The following ZNF555 variants were observed in gnomAD, a reference collection of about 807,000 sequenced individuals.
The protein encoded by ZNF555 is zinc finger protein 555.
Under a neutral mutation model 14.0 loss-of-function variants are expected in ZNF555, and 10 were observed. That is an observed-to-expected ratio of 0.72 (90% CI 0.44 to 1.21). The LOEUF (loss-of-function observed/expected upper bound fraction) is 1.21, where lower values mean the gene tolerates loss of function less well. Ranked by LOEUF, ZNF555 falls within the 50% of genes most tolerant of loss-of-function variation. The probability of loss-of-function intolerance (pLI) is 0.00; values close to 1 mark genes in which losing one functional copy is unlikely to be tolerated. For missense variants in ZNF555, 747 were observed against 762.0 expected (o/e 0.98, Z 0.23); for synonymous variants, 277 against 262.4 (o/e 1.06, Z -0.54).
In ZNF555 at chr19:2,853,103, G is replaced by GA. The variant is rs1568344881; in HGVS notation, c.1042dup (p.Thr348AsnfsTer12). 2 of 1,614,166 alleles carry GA rather than the reference G, an allele frequency of 1.2e-6. No homozygotes were observed. Among genetic ancestry groups the GA allele is most frequent in the South Asian group, 2.2e-5 (2 of 91,078 alleles). The stretch of plus-strand genomic sequence containing the variant: ...AACCCTACGAATGCAAACAATGTGG[G>GA]AAAACCTTCATTTATCTCCAGTCCT... On this transcript the variant is annotated frameshift_variant, in exon 4 of 4. Coordinates refer to ENST00000334241, the MANE Select transcript of ZNF555 (RefSeq NM_152791.5). LOFTEE classifies it low-confidence loss of function (END_TRUNC).
At chr19:2,841,687 G>A in intron 1 of ZNF555, 112 bp downstream of exon 1, 2 of 1,288,022 alleles carry the variant, frequency 1.6e-6, no homozygotes, top group Non-Finnish European at 2.0e-6. Flanking sequence ...CGGCGAGGGC[G>A]GCGCAGGACG....
At chr19:2,844,773 CAGG>C (rs2087568678) in intron 1 of ZNF555, among the ~76,000 whole-genome samples, 1 of 152,208 alleles carries the variant, frequency 6.6e-6, no homozygotes, top group South Asian at 2.1e-4. Context: ...TAGGGGCCCT[CAGG>C]CCTTTGGGTT....
intron 3 of ZNF555, 40 bp from the exon 4 acceptor site, chr19:2,852,340 T>C: frequency 6.2e-7 from 1 of 1,610,220 alleles, no homozygotes; most frequent in African/African-American, 1.3e-5. Context: ...TACTAACAAA[T>C]CATTATTAAT....
At chr19:2,849,474 G>C (rs2087609639) in intron 1 of ZNF555, among the ~76,000 whole-genome samples, 2 of 147,334 alleles carry the variant, frequency 1.4e-5, no homozygotes, top group African/African-American at 5.0e-5. Flanking sequence ...CTTAAGGTTA[G>C]CAATAATACT....
intron 3 of ZNF555, among the ~76,000 whole-genome samples, 162 bp from the exon 4 acceptor site, chr19:2,852,218 T>G (rs1168499518): frequency 6.6e-6 from 1 of 152,080 alleles, no homozygotes; most frequent in Non-Finnish European, 1.5e-5. Flanking sequence ...ATGGCAGTGG[T>G]CAAACCATCT....
At position 2,841,648 on chromosome 19, in the gene ZNF555, G is replaced by T. The variant is rs1040627927; in HGVS notation, c.3+73G>T. 122 of 1,407,150 alleles carry T rather than the reference G, an allele frequency of 8.7e-5. No homozygotes were observed. The African/African-American group carries it at 1.6e-3, about 19-fold the overall frequency. 87.2% of individuals were successfully genotyped at this position (1,407,150 alleles called of 1,614,324 possible). A position where few individuals can be genotyped will look rare whatever the true frequency, so the allele number is the denominator to read the frequency against. On this transcript the variant is annotated intron_variant, in intron 1 of 3. Transcript: ENST00000334241. ...GCGACCGCCCGAGACCGCGGCTTGG[G>T]GGGAGCTGAGGGACGCGGGGGGCGG... is the stretch of plus-strand genomic sequence containing the variant.
chr19:2,855,841 T>G lies in ZNF555; in HGVS notation c.*1889T>G, dbSNP rs886313650. On this transcript the variant is annotated 3_prime_UTR_variant, in exon 4 of 4. Coordinates refer to ENST00000334241, the MANE Select transcript of ZNF555 (RefSeq NM_152791.5). The stretch of plus-strand genomic sequence containing the variant: ...TAATTTTCACATGGCATTCTCCCTG[T>G]GTGTGTGTCTCTCCATGTGACAATA... 2 of 152,260 alleles carry G rather than the reference T, an allele frequency of 1.3e-5. No homozygotes were observed. The highest frequency in any genetic ancestry group is 3.9e-4 in the East Asian group (2 of 5,184). 9.4% of individuals were successfully genotyped at this position (152,260 alleles called of 1,614,324 possible). A position where few individuals can be genotyped will look rare whatever the true frequency, so the allele number is the denominator to read the frequency against.
Position 2,853,146 on chromosome 19 carries a change from A to G in ZNF555, c.1081A>G (p.Ile361Val). The change falls in exon 4 of 4, where the codon ATT (isoleucine) becomes GTT (valine). Residue 361 changes from isoleucine to valine, a missense_variant. Physicochemically the swap from Ile to Val is conservative, Grantham distance 29. Coordinates refer to ENST00000334241, the MANE Select transcript of ZNF555 (RefSeq NM_152791.5). ...YLQSFRRHER[I>V]HTGEKPYECK... ...CCAGTCCTTTCGAAGACATGAAAGG[A>G]TTCACACTGGAGAGAAACCCTACGA... The G allele has an allele frequency of 6.2e-7, 1 of 1,614,156 alleles. No homozygotes were observed. The highest frequency in any genetic ancestry group is 8.5e-7 in the Non-Finnish European group (1 of 1,180,018).
chr19:2,848,690 C>T (rs71339143), intron 1 of ZNF555, among the ~76,000 whole-genome samples: 8,279 of 152,230 alleles, frequency 0.054, 320 homozygotes, highest in Non-Finnish European at 0.079. Flanking sequence ...TCAAGTGATC[C>T]GCCTGCCTCA....
Position 2,853,144 on chromosome 19 carries a change from G to A in ZNF555, c.1079G>A (p.Arg360Lys), listed in dbSNP as rs1452492512. 3 of 1,613,924 alleles carry A rather than the reference G, an allele frequency of 1.9e-6. No individual in the cohort carries two copies. Among genetic ancestry groups the A allele is most frequent in the Non-Finnish European group, 2.5e-6 (3 of 1,179,994 alleles). Reference protein sequence around the residue: ...IYLQSFRRHERIHTGEKPYEC... With the variant: ...IYLQSFRRHEKIHTGEKPYEC... ...CTCCAGTCCTTTCGAAGACATGAAAGGATTCACACTGGAGAGAAACCCTAC... is the reference window on the plus strand; with the variant it reads ...CTCCAGTCCTTTCGAAGACATGAAAAGATTCACACTGGAGAGAAACCCTAC... Residue 360 changes from arginine to lysine, a missense_variant, in exon 4 of 4, where the codon AGG becomes AAG. Arg to Lys is a conservative substitution (Grantham distance 26). Transcript: ENST00000334241.
At chr19:2,849,636 C>T (rs1461503841) in intron 1 of ZNF555, among the ~76,000 whole-genome samples, 1 of 151,622 alleles carries the variant, frequency 6.6e-6, no homozygotes, top group African/African-American at 2.4e-5. Flanking sequence ...AGGCGTGCAC[C>T]ACCATGCCCG....
In ZNF555 at chr19:2,854,740, T is replaced by C. The variant is rs1247239261; in HGVS notation, c.*788T>C. 1.3e-5 allele frequency: 2 copies of C among 152,210 alleles called. No homozygotes were observed. The highest frequency in any genetic ancestry group is 6.5e-5 in the Admixed American group (1 of 15,278). The allele number at this position is 152,210 out of a possible 1,614,324, so 9.4% of individuals were successfully genotyped here. ...AGTACCATCAAAAGAAACACTTAAG[T>C]GCTTGATTTCCACTGTGTCAGAGGT... On this transcript the variant is annotated 3_prime_UTR_variant, in exon 4 of 4. Transcript: ENST00000334241.
In ZNF555 at chr19:2,854,993, A is replaced by G. The variant is rs185558278; in HGVS notation, c.*1041A>G. On this transcript the variant is annotated 3_prime_UTR_variant, in exon 4 of 4. Coordinates refer to ENST00000334241, the MANE Select transcript of ZNF555 (RefSeq NM_152791.5). ...AACACCTTGTTATCTTAATACTTCCAGTGGCTCTGTGATCCTGATTCCACC... is the reference window on the plus strand; with the variant it reads ...AACACCTTGTTATCTTAATACTTCCGGTGGCTCTGTGATCCTGATTCCACC... The G allele has an allele frequency of 1.9e-3, 288 of 152,276 alleles. No homozygotes were observed. Among genetic ancestry groups the G allele is most frequent in the African/African-American group, 6.5e-3 (271 of 41,546 alleles). The allele number at this position is 152,276 out of a possible 1,614,324, so 9.4% of individuals were successfully genotyped here.
chr19:2,841,820 C>T (rs2087539194), intron 1 of ZNF555, among the ~76,000 whole-genome samples: 1 of 151,616 alleles, frequency 6.6e-6, no homozygotes, highest in Non-Finnish European at 1.5e-5. Flanking sequence ...GGGAGCGGCG[C>T]CCGGAGCCCG....
At chr19:2,846,601 T>C (rs2087584049) in intron 1 of ZNF555, among the ~76,000 whole-genome samples, 1 of 152,214 alleles carries the variant, frequency 6.6e-6, no homozygotes, top group African/African-American at 2.4e-5. Context: ...GAGGATGAAT[T>C]AGCAGTGGGC....
chr19:2,843,445 A>G (rs2087555690), intron 1 of ZNF555, among the ~76,000 whole-genome samples: 1 of 152,196 alleles, frequency 6.6e-6, no homozygotes, highest in Non-Finnish European at 1.5e-5. Flanking sequence ...CTTTTGAATG[A>G]CAATAAATAG....
In ZNF555 at chr19:2,858,338, C is replaced by T. The variant is rs2087701480; in HGVS notation, c.*4386C>T. On this transcript the variant is annotated 3_prime_UTR_variant, in exon 4 of 4. Transcript: ENST00000334241. ...GCCATACCTGACTTTATCTCACGCA[C>T]ATAACAGGAGAGAAGAAGGAGGTCT... 1 of 152,218 alleles carries T rather than the reference C, an allele frequency of 6.6e-6. No individual in the cohort carries two copies. The highest frequency in any genetic ancestry group is 2.1e-4 in the South Asian group (1 of 4,828). 9.4% of individuals were successfully genotyped at this position (152,218 alleles called of 1,614,324 possible). A position where few individuals can be genotyped will look rare whatever the true frequency, so the allele number is the denominator to read the frequency against.
chr19:2,857,485 G>A lies in ZNF555; in HGVS notation c.*3533G>A, dbSNP rs2087692978. On this transcript the variant is annotated 3_prime_UTR_variant, in exon 4 of 4. Transcript: ENST00000334241. The stretch of plus-strand genomic sequence containing the variant: ...TATGGTATTCCTTTTATAAGACATG[G>A]AAAAGGCAAAGATAAGGGAAACGAA... 4 of 152,156 alleles carry A rather than the reference G, an allele frequency of 2.6e-5. No individual in the cohort carries two copies. The highest frequency in any genetic ancestry group is 2.4e-5 in the African/African-American group (1 of 41,430). The allele number at this position is 152,156 out of a possible 1,614,324, so 9.4% of individuals were successfully genotyped here.
rs2087596546 is a variant in ZNF555, at chr19:2,848,044, A to G, written c.4-2543A>G. Among the ~76,000 whole-genome samples, 3 of 152,204 alleles carry G rather than the reference A, an allele frequency of 2.0e-5. No individual in the cohort carries two copies. In the East Asian group the frequency reaches 5.8e-4, roughly 29 times the overall value. On this transcript the variant is annotated intron_variant, in intron 1 of 3. Coordinates refer to ENST00000334241, the MANE Select transcript of ZNF555 (RefSeq NM_152791.5). ...TAACTTTCTTTTCCCTCCCAATGCA[A>G]CACAAACTTTTACCATTTTCCTCAC...
Sources: gnomAD v4.1 joint callset for allele counts (sites outside exome capture counted in the v4.1 genomes callset) on GRCh38, gnomAD v4.1.1 for gene constraint, MANE v1.5 for transcripts, NCBI Gene and HGNC (gene_info 2026-07-23, HGNC 2026-07-21) for gene names.